Variants in RPS6KA2 observed in about 807,000 individuals in gnomAD.
RPS6KA2 encodes ribosomal protein S6 kinase alpha-2.
In RPS6KA2, 42 loss-of-function variants were observed where a neutral mutation model predicts 91.8. The observed-to-expected ratio is 0.46, with a 90% CI of 0.36 to 0.59. RPS6KA2 has a LOEUF of 0.59. RPS6KA2 is among the 20% of genes least tolerant of loss of function. The pLI is 0.00. For missense variants in RPS6KA2, 798 were observed against 978.5 expected (o/e 0.82, Z 2.46); for synonymous variants, 414 against 393.6 (o/e 1.05, Z -0.61).
chr6:166,661,186 T>C (rs1333423243), intron 2 of RPS6KA2, among the ~76,000 whole-genome samples: 4 of 152,118 alleles, frequency 2.6e-5, no homozygotes, highest in Non-Finnish European at 4.4e-5. Flanking sequence ...CTACAACCCC[T>C]GCCTCCTGGA....
intron 10 of RPS6KA2, chr6:166,475,786 A>C: frequency 1.9e-6 from 1 of 533,170 alleles, no homozygotes; most frequent in Non-Finnish European, 3.8e-6. Flanking sequence ...TCTTAGACTC[A>C]GAAGCCTAGG....
chr6:166,511,315 A>G (rs892283601), intron 3 of RPS6KA2, among the ~76,000 whole-genome samples: 2 of 152,332 alleles, frequency 1.3e-5, no homozygotes, highest in African/African-American at 4.8e-5. Context: ...ATTCAGGGCT[A>G]AAGAACAGCC....
chr6:166,484,372 C>T (rs1175071049), intron 10 of RPS6KA2, among the ~76,000 whole-genome samples: 9 of 152,224 alleles, frequency 5.9e-5, no homozygotes, highest in African/African-American at 1.2e-4. Flanking sequence ...CCAGTAAAGC[C>T]GCCACTCCAG....
chr6:166,829,397 C>T (rs1263384728), intron 2 of RPS6KA2, among the ~76,000 whole-genome samples: 1 of 151,942 alleles, frequency 6.6e-6, no homozygotes, highest in Non-Finnish European at 1.5e-5. Context: ...GGAGACCATC[C>T]TGGCTAACAC....
chr6:166,721,640 C>A (rs548836791), intron 2 of RPS6KA2, among the ~76,000 whole-genome samples: 3 of 152,226 alleles, frequency 2.0e-5, no homozygotes, highest in Non-Finnish European at 4.4e-5. Flanking sequence ...AGTGGGTCTG[C>A]GTCTGGGCCC....
In RPS6KA2 at chr6:166,410,510, G is replaced by C. The variant is rs1175321973; in HGVS notation, c.*2252C>G. 6.6e-6 allele frequency: 1 copy of C among 152,520 alleles called. No individual in the cohort carries two copies. The highest frequency in any genetic ancestry group is 2.4e-5 in the African/African-American group (1 of 41,424). 9.4% of individuals were successfully genotyped at this position (152,520 alleles called of 1,614,324 possible). The stretch of plus-strand genomic sequence containing the variant: ...TATTTCACAGACACTCAGCGGAGCA[G>C]GGCCAAGCCAGTGTTCTCCTCCGCT... On this transcript the variant is annotated 3_prime_UTR_variant, in exon 21 of 21. Transcript: ENST00000265678.
intron 2 of RPS6KA2, among the ~76,000 whole-genome samples, chr6:166,788,430 C>T (rs367868638): frequency 7.9e-5 from 12 of 152,266 alleles, no homozygotes; most frequent in East Asian, 5.8e-4. Context: ...AGACATGGAA[C>T]CAACCCAAAT....
intron 2 of RPS6KA2, among the ~76,000 whole-genome samples, chr6:166,808,455 C>T (rs773805198): frequency 1.9e-4 from 29 of 152,098 alleles, no homozygotes; most frequent in Non-Finnish European, 3.7e-4. Flanking sequence ...TCTGTCTCAC[C>T]CCACTAGAGC....
chr6:166,613,508 G>A (rs112606204), intron 1 of RPS6KA2, among the ~76,000 whole-genome samples: 5,286 of 152,238 alleles, frequency 0.035, 135 homozygotes, highest in South Asian at 0.082. Flanking sequence ...TCACGGTCAC[G>A]CCTGTTTCTA....
intron 1 of RPS6KA2, among the ~76,000 whole-genome samples, chr6:166,585,185 T>C (rs113334411): frequency 1.3e-5 from 2 of 152,358 alleles, no homozygotes; most frequent in Admixed American, 6.5e-5. Flanking sequence ...TGAAAAAAGA[T>C]GCAGCTCTGG....
chr6:166,676,961 A>G (rs1010060913), intron 2 of RPS6KA2, among the ~76,000 whole-genome samples: 1 of 152,220 alleles, frequency 6.6e-6, no homozygotes, highest in African/African-American at 2.4e-5. Flanking sequence ...AGCACATAGG[A>G]GTAGTGTGTC....
intron 14 of RPS6KA2, among the ~76,000 whole-genome samples, chr6:166,436,331 A>C (rs935358217): frequency 1.1e-4 from 17 of 152,190 alleles, no homozygotes; most frequent in South Asian, 6.2e-4. Flanking sequence ...AAAAAAAAAA[A>C]AAACCTCAGA....
At chr6:166,723,451 G>A (rs1790241001) in intron 2 of RPS6KA2, among the ~76,000 whole-genome samples, 1 of 151,964 alleles carries the variant, frequency 6.6e-6, no homozygotes. Context: ...CCCCAGGGGG[G>A]TCCCACATGT....
At position 166,659,769 on chromosome 6, in the gene RPS6KA2, G is replaced by A. The variant is rs367738965; in HGVS notation, c.124-120985C>T. On this transcript the variant is annotated intron_variant, in intron 2 of 21. Coordinates refer to the RPS6KA2 transcript ENST00000503859. ...GTCCTTTGCCCAGGCTGGCCCTGCC[G>A]CCGTACAGCTCTAGCACCGACTGCG... 1.5e-3 allele frequency among the ~76,000 whole-genome samples: 227 copies of A among 152,332 alleles called. 1 individual carries two copies. Among genetic ancestry groups the A allele is most frequent in the African/African-American group, 5.3e-3 (219 of 41,588 alleles).
At chr6:166,731,624 C>G (rs1045981333) in intron 2 of RPS6KA2, among the ~76,000 whole-genome samples, 7 of 151,958 alleles carry the variant, frequency 4.6e-5, no homozygotes, top group Admixed American at 4.6e-4. Context: ...ACACAGCCCC[C>G]GGCATCTCCT....
chr6:166,803,187 A>T lies in RPS6KA2; in HGVS notation c.123+55013T>A, dbSNP rs527943457. Among the ~76,000 whole-genome samples, 15 of 152,346 alleles carry T rather than the reference A, an allele frequency of 9.8e-5. No individual in the cohort carries two copies. In the South Asian group the frequency reaches 3.1e-3, roughly 32 times the overall value. ...AAATACCCTTCAAATAGAAAATCAA[A>T]AGTATTTGACAATTAAAACTTCCAC... On this transcript the variant is annotated intron_variant, in intron 2 of 21. Coordinates refer to the RPS6KA2 transcript ENST00000503859.
chr6:166,633,908 G>A lies in RPS6KA2; in HGVS notation c.124-95124C>T, dbSNP rs537182409. 2.1e-3 allele frequency among the ~76,000 whole-genome samples: 321 copies of A among 152,284 alleles called. 1 individual carries two copies. The highest frequency in any genetic ancestry group is 3.3e-3 in the Non-Finnish European group (227 of 68,028). On this transcript the variant is annotated intron_variant, in intron 2 of 21. Transcript: ENST00000503859. ...TTTAAGGCAGACAAACATGCAGCTG[G>A]CCCATGGGGAGGGAGGAAGGACTAG...
intron 1 of RPS6KA2, among the ~76,000 whole-genome samples, chr6:166,618,493 T>A (rs1279000160): frequency 7.2e-5 from 11 of 152,056 alleles, no homozygotes; most frequent in Non-Finnish European, 5.9e-5. Context: ...GGAAGATCAC[T>A]GGGGTAGAGA....
At chr6:166,564,792 A>G (rs1222890099) in intron 1 of RPS6KA2, among the ~76,000 whole-genome samples, 14 of 152,190 alleles carry the variant, frequency 9.2e-5, no homozygotes, top group Admixed American at 9.2e-4. Flanking sequence ...ATCAAGGTCG[A>G]GGGCTGCAGC....
Sources: gnomAD v4.1 joint callset for allele counts (sites outside exome capture counted in the v4.1 genomes callset) on GRCh38, gnomAD v4.1.1 for gene constraint, MANE v1.5 for transcripts, NCBI Gene and HGNC (gene_info 2026-07-23, HGNC 2026-07-21) for gene names.